Variants in MMP16 observed in about 807,000 individuals in gnomAD.
MMP16 encodes matrix metalloproteinase-16.
A neutral mutation model predicts 67.8 loss-of-function variants in MMP16; 12 were observed. The ratio of observed to expected loss-of-function variants is 0.18; its 90% confidence interval spans 0.11 to 0.29. The LOEUF (loss-of-function observed/expected upper bound fraction) is 0.29, where lower values mean the gene tolerates loss of function less well. Ranked by LOEUF, MMP16 falls within the 10% of genes least tolerant of loss-of-function variation. MMP16 has a pLI of 1.00. For synonymous variants in MMP16, 249 were observed against 255.9 expected (o/e 0.97, Z 0.26); for missense variants, 475 against 765.7 (o/e 0.62, Z 4.48).
chr8:88,057,106 C>A (rs936887830), intron 7 of MMP16, among the ~76,000 whole-genome samples: 1 of 152,112 alleles, frequency 6.6e-6, no homozygotes, highest in Non-Finnish European at 1.5e-5. Context: ...TGCCCTCCAA[C>A]TAAAAAATTT....
chr8:88,182,241 T>C (rs1808992428), intron 3 of MMP16, among the ~76,000 whole-genome samples: 2 of 152,038 alleles, frequency 1.3e-5, no homozygotes, highest in African/African-American at 4.8e-5. Flanking sequence ...AGAAAGTATT[T>C]GGAAACAGAA....
Position 88,178,828 on chromosome 8 carries a change from T to C in MMP16, c.404+7648A>G, listed in dbSNP as rs562327156. On this transcript the variant is annotated intron_variant, in intron 3 of 9. Transcript: ENST00000286614. ...TCCTTTTTTCTGTATTTCTGGGTGTTATTGGATATTTCACTTTGAATTAAA... is the reference window on the plus strand; with the variant it reads ...TCCTTTTTTCTGTATTTCTGGGTGTCATTGGATATTTCACTTTGAATTAAA... Among the ~76,000 whole-genome samples the C allele has an allele frequency of 3.3e-5, 5 of 152,254 alleles. No individual in the cohort carries two copies. The East Asian group carries it at 9.6e-4, about 29-fold the overall frequency.
intron 1 of MMP16, among the ~76,000 whole-genome samples, chr8:88,249,105 A>G (rs1399159875): frequency 6.6e-6 from 1 of 152,010 alleles, no homozygotes; most frequent in Non-Finnish European, 1.5e-5. Context: ...AGAGAGGCAT[A>G]GGGGACACTG....
chr8:88,146,934 T>C (rs1357752260), intron 4 of MMP16, among the ~76,000 whole-genome samples: 1 of 152,040 alleles, frequency 6.6e-6, no homozygotes, highest in African/African-American at 2.4e-5. Flanking sequence ...ATATAGCAGG[T>C]ATAAATGTTC....
intron 4 of MMP16, among the ~76,000 whole-genome samples, chr8:88,166,101 C>CA (rs1209723055): frequency 6.6e-6 from 1 of 151,816 alleles, no homozygotes; most frequent in African/African-American, 2.4e-5. Context: ...TTATCCTATC[C>CA]AAAACACGAG....
At chr8:88,149,434 G>C (rs990024082) in intron 4 of MMP16, among the ~76,000 whole-genome samples, 6 of 152,172 alleles carry the variant, frequency 3.9e-5, no homozygotes, top group Admixed American at 1.3e-4. Context: ...AAAGACAGCA[G>C]TAACCTCTGC....
chr8:88,155,319 G>T (rs1156665756), intron 4 of MMP16, among the ~76,000 whole-genome samples: 1 of 152,002 alleles, frequency 6.6e-6, no homozygotes, highest in Non-Finnish European at 1.5e-5. Context: ...TTCTTCTATT[G>T]TCTAGAAATT....
At chr8:88,070,527 T>TC (rs2118266163) in intron 7 of MMP16, among the ~76,000 whole-genome samples, 1 of 152,206 alleles carries the variant, frequency 6.6e-6, no homozygotes, top group South Asian at 2.1e-4. Context: ...AGCTGACCAA[T>TC]ACTCTTTCCA....
intron 1 of MMP16, among the ~76,000 whole-genome samples, chr8:88,247,953 T>C (rs1264711832): frequency 6.6e-6 from 1 of 151,982 alleles, no homozygotes; most frequent in African/African-American, 2.4e-5. Context: ...TTATGAAAGC[T>C]TGGGCCCAAT....
chr8:88,310,874 A>C (rs898952454), intron 1 of MMP16, among the ~76,000 whole-genome samples: 1 of 152,088 alleles, frequency 6.6e-6, no homozygotes, highest in African/African-American at 2.4e-5. Flanking sequence ...GAAGACCAAA[A>C]CTCAAAGGCA....
At position 88,040,293 on chromosome 8, in the gene MMP16, A is replaced by G. The variant is rs1808114135; in HGVS notation, c.*1168T>C. On this transcript the variant is annotated 3_prime_UTR_variant, in exon 10 of 10. Coordinates refer to ENST00000286614, the MANE Select transcript of MMP16 (RefSeq NM_005941.5). Reference sequence around the variant, plus strand: ...TAAACACATTTATGTAGTCTTGTAAATCATTTAAAAATTATATGACATTAT... The same window carrying G: ...TAAACACATTTATGTAGTCTTGTAAGTCATTTAAAAATTATATGACATTAT... The G allele has an allele frequency of 6.6e-6, 1 of 152,596 alleles. No individual in the cohort carries two copies. The highest frequency in any genetic ancestry group is 6.6e-5 in the Admixed American group (1 of 15,254). 9.5% of individuals were successfully genotyped at this position (152,596 alleles called of 1,614,324 possible). A position where few individuals can be genotyped will look rare whatever the true frequency, so the allele number is the denominator to read the frequency against.
chr8:88,086,630 T>A (rs1808838348), intron 6 of MMP16, among the ~76,000 whole-genome samples: 1 of 151,794 alleles, frequency 6.6e-6, no homozygotes, highest in Non-Finnish European at 1.5e-5. Context: ...AGAATTACCA[T>A]CCTTTTATTT....
chr8:88,252,554 A>C (rs1329406621), intron 1 of MMP16, among the ~76,000 whole-genome samples: 3 of 152,046 alleles, frequency 2.0e-5, no homozygotes, highest in Admixed American at 1.3e-4. Context: ...TATAAGGTTC[A>C]AAAATAAAAA....
chr8:88,125,789 A>G (rs2118456994), intron 4 of MMP16, among the ~76,000 whole-genome samples: 1 of 151,952 alleles, frequency 6.6e-6, no homozygotes, highest in East Asian at 2.0e-4. Context: ...GAACATTCTC[A>G]GTTATGTTTC....
At chr8:88,088,013 G>A (rs1451858095) in intron 6 of MMP16, among the ~76,000 whole-genome samples, 1 of 95,144 alleles carries the variant, frequency 1.1e-5, no homozygotes, top group Admixed American at 1.1e-4. Context: ...ATAAAAGAAT[G>A]TGTATCTATA....
At chr8:88,078,657 G>T (rs541276682) in intron 6 of MMP16, among the ~76,000 whole-genome samples, 3 of 152,104 alleles carry the variant, frequency 2.0e-5, no homozygotes, top group Non-Finnish European at 4.4e-5. Flanking sequence ...CGCCAGCCTG[G>T]GTGATAGAGA....
At chr8:88,083,071 A>G (rs1233362713) in intron 6 of MMP16, among the ~76,000 whole-genome samples, 3 of 152,048 alleles carry the variant, frequency 2.0e-5, no homozygotes, top group East Asian at 3.9e-4. Flanking sequence ...TAAAACTATT[A>G]TAAGACAAAA....
At chr8:88,049,903 T>C (rs1808248102) in intron 8 of MMP16, among the ~76,000 whole-genome samples, 1 of 152,164 alleles carries the variant, frequency 6.6e-6, no homozygotes, top group African/African-American at 2.4e-5. Flanking sequence ...TGCACACCTT[T>C]AGTTCCAGCT....
chr8:88,178,830 T>C (rs1216887651), intron 3 of MMP16, among the ~76,000 whole-genome samples: 1 of 152,110 alleles, frequency 6.6e-6, no homozygotes, highest in Admixed American at 6.6e-5. Context: ...CTGGGTGTTA[T>C]TGGATATTTC....
Sources: gnomAD v4.1 joint callset for allele counts (sites outside exome capture counted in the v4.1 genomes callset) on GRCh38, gnomAD v4.1.1 for gene constraint, MANE v1.5 for transcripts, NCBI Gene and HGNC (gene_info 2026-07-23, HGNC 2026-07-21) for gene names.